Variants in CABIN1 observed in about 807,000 individuals in gnomAD.
CABIN1 encodes calcineurin-binding protein cabin-1.
A neutral mutation model predicts 227.7 loss-of-function variants in CABIN1; 133 were observed. The observed-to-expected ratio is 0.58, with a 90% CI of 0.51 to 0.67. CABIN1 has a LOEUF of 0.67. Ranked by LOEUF, CABIN1 falls within the 30% of genes least tolerant of loss-of-function variation. The pLI is 0.00. For synonymous variants in CABIN1, 1,086 were observed against 1,155.1 expected, an observed-to-expected ratio of 0.94 and a Z score of 1.21; for missense variants, 2,408 against 2,852.5, an observed-to-expected ratio of 0.84 and a Z score of 3.55.
At chr22:24,169,888 G>A (rs942526552) in intron 33 of CABIN1, among the ~76,000 whole-genome samples, 1 of 152,266 alleles carries the variant, frequency 6.6e-6, no homozygotes, top group Non-Finnish European at 1.5e-5. Flanking sequence ...CCATTTTGCC[G>A]AGGCACATGC....
rs754133347 is a variant in CABIN1, at chr22:24,178,240, G to C, written c.*44G>C. ...CCGCCACGCCCCAGGGGACCAGCCA[G>C]GCCTGGAATGCCCCCTGGGCAGGAC... On this transcript the variant is annotated 3_prime_UTR_variant, in exon 37 of 37. Coordinates refer to ENST00000263119, the MANE Select transcript of CABIN1 (RefSeq NM_012295.4). 7 of 1,610,312 alleles carry C rather than the reference G, an allele frequency of 4.3e-6. No individual in the cohort carries two copies. The highest frequency in any genetic ancestry group is 5.1e-6 in the Non-Finnish European group (6 of 1,179,000).
chr22:24,059,958 C>G lies in CABIN1; in HGVS notation c.1434C>G (p.Asn478Lys). ...ACGTGCATGAGTTCCTGCTGGAGAA[C>G]CTAACCAACGGGGGCATCCTGGAGC... is the stretch of plus-strand genomic sequence containing the variant. The part of the protein sequence containing the change: ...KQDVHEFLLE[N>K]LTNGGILELM... The change falls in exon 12 of 37, where the codon AAC becomes AAG. Residue 478 changes from asparagine (N) to lysine (K), a missense_variant. This residue lies in a region of CABIN1 where 1,045 missense variants were observed against 1,168.4 expected (regional missense o/e 0.89). Transcript: ENST00000263119. The G allele has an allele frequency of 6.2e-7, 1 of 1,614,196 alleles. No homozygotes were observed. Among genetic ancestry groups the G allele is most frequent in the Non-Finnish European group, 8.5e-7 (1 of 1,180,040 alleles).
intron 28 of CABIN1, among the ~76,000 whole-genome samples, chr22:24,121,144 T>A (rs2043387331): frequency 6.6e-6 from 1 of 152,226 alleles, no homozygotes. Context: ...GTCCTCCTCC[T>A]AGAGGTCTCC....
chr22:24,112,742 C>G (rs2042877590), intron 26 of CABIN1, among the ~76,000 whole-genome samples: 1 of 152,138 alleles, frequency 6.6e-6, no homozygotes, highest in Non-Finnish European at 1.5e-5. Flanking sequence ...TGATTTCCTG[C>G]CCCTCCCTTA....
intron 1 of CABIN1, among the ~76,000 whole-genome samples, chr22:24,033,551 C>T (rs1261850970): frequency 6.6e-6 from 1 of 152,198 alleles, no homozygotes; most frequent in Non-Finnish European, 1.5e-5. Flanking sequence ...CTTCCAGCCC[C>T]TTCTGCCAGC....
intron 5 of CABIN1, among the ~76,000 whole-genome samples, chr22:24,041,637 A>G (rs1432736268): frequency 1.3e-5 from 2 of 152,374 alleles, no homozygotes; most frequent in East Asian, 3.9e-4. Flanking sequence ...GTTGGTATGC[A>G]TAATAGTATC....
At chr22:24,029,085 G>T (rs1476718690) in intron 1 of CABIN1, among the ~76,000 whole-genome samples, 2 of 152,126 alleles carry the variant, frequency 1.3e-5, no homozygotes, top group Non-Finnish European at 2.9e-5. Flanking sequence ...GGCCAGGTAC[G>T]GTGGCTCATA....
chr22:24,160,874 G>A (rs1297883181), intron 29 of CABIN1, among the ~76,000 whole-genome samples: 2 of 152,232 alleles, frequency 1.3e-5, no homozygotes, highest in African/African-American at 2.4e-5. Context: ...GCACAGGCTG[G>A]CCCGGCAGCA....
chr22:24,158,258 G>T (rs1441929937), intron 29 of CABIN1, among the ~76,000 whole-genome samples: 2 of 152,176 alleles, frequency 1.3e-5, no homozygotes, highest in Non-Finnish European at 2.9e-5. Flanking sequence ...CTCACCCACT[G>T]TGTCAGCTCA....
At position 24,171,946 on chromosome 22, in the gene CABIN1, C is replaced by G. The variant is rs1601287574; in HGVS notation, c.5991C>G (p.Pro1997=). 6.2e-7 allele frequency: 1 copy of G among 1,613,670 alleles called. No homozygotes were observed. The highest frequency in any genetic ancestry group is 8.5e-7 in the Non-Finnish European group (1 of 1,180,032). The change falls in exon 34 of 37, where the codon CCC becomes CCG. Residue 1997 remains proline, a synonymous_variant. Transcript: ENST00000263119. ...TLDQSKDPGP[P]RPHRPEATPS... ...ACCAGTCCAAGGACCCTGGGCCTCC[C>G]CGGCCACACAGGCCTGAAGCTACCC...
At chr22:24,174,475 G>T (rs1014881220) in intron 34 of CABIN1, among the ~76,000 whole-genome samples, 1 of 152,168 alleles carries the variant, frequency 6.6e-6, no homozygotes, top group Non-Finnish European at 1.5e-5. Context: ...GCCCAGTGCC[G>T]TAATCAGTTG....
At chr22:24,152,040 G>A (rs1792526046) in intron 29 of CABIN1, among the ~76,000 whole-genome samples, 1 of 152,184 alleles carries the variant, frequency 6.6e-6, no homozygotes, top group South Asian at 2.1e-4. Context: ...TTCCCCTTCA[G>A]TAGGGCACTG....
chr22:24,099,580 CCT>C (rs1385559457), intron 26 of CABIN1, among the ~76,000 whole-genome samples: 1 of 152,184 alleles, frequency 6.6e-6, no homozygotes, highest in African/African-American at 2.4e-5. Context: ...CTGTTAAGAT[CCT>C]CTCTCCCCTT....
At position 24,070,934 on chromosome 22, in the gene CABIN1, A is replaced by G. The variant is rs1317016674; in HGVS notation, c.2367A>G (p.Gln789=). 9 of 1,614,170 alleles carry G rather than the reference A, an allele frequency of 5.6e-6. 1 individual carries two copies. Among genetic ancestry groups the G allele is most frequent in the South Asian group, 4.4e-5 (4 of 91,076 alleles). Reference sequence around the variant, plus strand: ...AGGAGTGGGTGGCCACAGTGACCCAACTGCTGATGGGCATCGAGCAGGCCC... The same window carrying G: ...AGGAGTGGGTGGCCACAGTGACCCAGCTGCTGATGGGCATCGAGCAGGCCC... The part of the protein sequence containing the change: ...AKEEWVATVT[Q]LLMGIEQALS... Residue 789 remains glutamine (Q), a synonymous_variant, in exon 17 of 37, where the codon CAA becomes CAG. Coordinates refer to ENST00000263119, the MANE Select transcript of CABIN1 (RefSeq NM_012295.4).
At chr22:24,169,468 C>T (rs916837293) in intron 33 of CABIN1, among the ~76,000 whole-genome samples, 3 of 152,156 alleles carry the variant, frequency 2.0e-5, no homozygotes, top group Admixed American at 6.5e-5. Context: ...CGGAAGCCCT[C>T]GAGGTTCAGC....
chr22:24,088,564 T>C (rs571040380), intron 23 of CABIN1, among the ~76,000 whole-genome samples: 1 of 152,020 alleles, frequency 6.6e-6, no homozygotes, highest in South Asian at 2.1e-4. Flanking sequence ...GCTGAGATCA[T>C]GCCATTGCGC....
At chr22:24,011,672 A>G (rs2034822555) in intron 1 of CABIN1, 2 of 152,288 alleles carry the variant, frequency 1.3e-5, no homozygotes, top group Non-Finnish European at 2.9e-5. Context: ...TGCAAAGCCC[A>G]GCGCGCTAAC....
At chr22:24,011,988 C>T (rs917505714) in intron 1 of CABIN1, among the ~76,000 whole-genome samples, 2 of 152,074 alleles carry the variant, frequency 1.3e-5, no homozygotes, top group Non-Finnish European at 2.9e-5. Flanking sequence ...AGTGTGGGAC[C>T]GTCGGATTCC....
chr22:24,082,085 CTTTTTTTTTTTT>C (rs71184946), intron 19 of CABIN1, among the ~76,000 whole-genome samples: 2 of 121,182 alleles, frequency 1.7e-5, no homozygotes, highest in East Asian at 4.7e-4. Flanking sequence ...TATTCTCTCT[CTTTTTTTTTTTT>C]TTTTTTTTTG....
Sources: gnomAD v4.1 joint callset for allele counts (sites outside exome capture counted in the v4.1 genomes callset) on GRCh38, gnomAD v4.1.1 for gene constraint, gnomAD v4.1.1 regional missense constraint, MANE v1.5 for transcripts, NCBI Gene and HGNC (gene_info 2026-07-23, HGNC 2026-07-21) for gene names.